Variants in UPK3BL2 observed in about 807,000 individuals in gnomAD.
UPK3BL2 encodes uroplakin-3b-like protein 2.
Under a neutral mutation model 11.3 loss-of-function variants are expected in UPK3BL2, and 1 was observed. The observed-to-expected ratio is 0.09, with a 90% CI of 0.03 to 0.42. UPK3BL2 has a LOEUF of 0.42. UPK3BL2 is among the 10% of genes least tolerant of loss of function. UPK3BL2 has a pLI of 0.98.
intron 3 of UPK3BL2, among the ~76,000 whole-genome samples, chr7:102,540,863 A>AAAC: frequency 7.6e-6 from 1 of 131,044 alleles, no homozygotes; most frequent in African/African-American, 3.0e-5. Flanking sequence ...AACAAAAAAA[A>AAAC]AAAAAAAAAA....
At chr7:102,543,259 C>T (rs376589615) in intron 1 of UPK3BL2, among the ~76,000 whole-genome samples, 13,353 of 139,002 alleles carry the variant, frequency 0.096, 29 homozygotes, top group East Asian at 0.15. Context: ...ATTACAGGTG[C>T]ACTCCACCAC....
intron 1 of UPK3BL2, among the ~76,000 whole-genome samples, chr7:102,542,997 C>G (rs1296726915): frequency 8.5e-6 from 1 of 117,638 alleles, no homozygotes; most frequent in Non-Finnish European, 1.7e-5. Context: ...GACTCTGTCT[C>G]GAAAAAAAAA....
At chr7:102,540,919 T>C (rs1586800244) in intron 3 of UPK3BL2, among the ~76,000 whole-genome samples, 174 bp downstream of exon 3, 1 of 111,680 alleles carries the variant, frequency 9.0e-6, no homozygotes, top group Non-Finnish European at 1.9e-5. Flanking sequence ...GGATAATTCA[T>C]GTAATTCATG....
At chr7:102,540,886 G>GAAA (rs374079023) in intron 3 of UPK3BL2, among the ~76,000 whole-genome samples, 3 of 73,320 alleles carry the variant, frequency 4.1e-5, no homozygotes, top group Admixed American at 1.5e-4. Context: ...AGAAGAAAAG[G>GAAA]AAAAAAAAAA....
At chr7:102,542,983 G>A (rs1800335270) in intron 1 of UPK3BL2, among the ~76,000 whole-genome samples, 1 of 152,098 alleles carries the variant, frequency 6.6e-6, no homozygotes, top group South Asian at 2.1e-4. Flanking sequence ...GGGTGACAGT[G>A]GGAGACTCTG....
At chr7:102,540,875 A>AAAG (rs1800235916) in intron 3 of UPK3BL2, among the ~76,000 whole-genome samples, 6 of 118,878 alleles carry the variant, frequency 5.0e-5, no homozygotes, top group Non-Finnish European at 1.8e-5. Context: ...AAAAAAAAAA[A>AAAG]AGAAGAAAAG....
At chr7:102,540,841 C>G (rs1324368463) in intron 3 of UPK3BL2, among the ~76,000 whole-genome samples, 1 of 44,936 alleles carries the variant, frequency 2.2e-5, no homozygotes, top group African/African-American at 6.1e-5. Flanking sequence ...AAGACTCCAT[C>G]TCAAAAAACA....
chr7:102,542,328 ACTCCCACCTCATCTCT>A, intron 1 of UPK3BL2: 1 of 978,622 alleles, frequency 1.0e-6, no homozygotes, highest in South Asian at 4.9e-5. Context: ...CCCCTCTCAG[ACTCCCACCTCATCTCT>A]CTGGGGAAGG....
chr7:102,540,704 T>C (rs1446970298), intron 3 of UPK3BL2, among the ~76,000 whole-genome samples: 1 of 146,278 alleles, frequency 6.8e-6, no homozygotes, highest in Non-Finnish European at 1.5e-5. Flanking sequence ...AGTAGTCGGG[T>C]GTGGTGTCAG....
At chr7:102,541,397 GCACCTGCTCCCTGCATCTCCCTGCAA>G in intron 2 of UPK3BL2, 78 bp downstream of exon 2, 2 of 801,022 alleles carry the variant, frequency 2.5e-6, no homozygotes, top group Non-Finnish European at 4.0e-6. Flanking sequence ...ATCCCCTGCA[GCACCTGCTCCCTGCATCTCCCTGCAA>G]CACACCCGCT....
chr7:102,540,875 AAGAAGAAAAGGAAAAAAAAAAAAAAG>A (rs1800236553), intron 3 of UPK3BL2, among the ~76,000 whole-genome samples, 192 bp downstream of exon 3: 2 of 118,884 alleles, frequency 1.7e-5, no homozygotes, highest in East Asian at 2.4e-4. Flanking sequence ...AAAAAAAAAA[AAGAAGAAAAGGAAAAAAAAAAAAAAG>A]AGAAGAAGGA....
intron 1 of UPK3BL2, among the ~76,000 whole-genome samples, chr7:102,543,296 T>TA (rs767375255): frequency 2.5e-3 from 304 of 122,710 alleles, no homozygotes; most frequent in African/African-American, 7.4e-3. Context: ...ACAAAAATCT[T>TA]AAAAAAAAAA....
chr7:102,543,096 G>A (rs1800342158), intron 1 of UPK3BL2, among the ~76,000 whole-genome samples: 1 of 149,898 alleles, frequency 6.7e-6, no homozygotes, highest in Non-Finnish European at 1.5e-5. Flanking sequence ...AGAGATTGTA[G>A]GACTGTATCT....
chr7:102,542,866 C>G (rs1211180048), intron 1 of UPK3BL2: 1 of 206,110 alleles, frequency 4.9e-6, no homozygotes, highest in African/African-American at 2.3e-5. Context: ...GACATAGTGG[C>G]GCACGGCTGT....
At chr7:102,540,877 G>GGAAAAAAAAAA (rs1800237326) in intron 3 of UPK3BL2, among the ~76,000 whole-genome samples, 1 of 68,324 alleles carries the variant, frequency 1.5e-5, no homozygotes, top group Non-Finnish European at 3.1e-5. Flanking sequence ...AAAAAAAAAA[G>GGAAAAAAAAAA]AAGAAAAGGA....
chr7:102,540,867 A>AC (rs1800232651), intron 3 of UPK3BL2, among the ~76,000 whole-genome samples: 17 of 132,114 alleles, frequency 1.3e-4, no homozygotes, highest in African/African-American at 4.6e-4. Context: ...AAAAAAAAAA[A>AC]AAAAAAAAAG....
intron 3 of UPK3BL2, among the ~76,000 whole-genome samples, chr7:102,540,877 G>GAAAAAAAA (rs1800237802): frequency 1.5e-5 from 1 of 68,332 alleles, no homozygotes; most frequent in Non-Finnish European, 3.1e-5. Flanking sequence ...AAAAAAAAAA[G>GAAAAAAAA]AAGAAAAGGA....
intron 5 of UPK3BL2, 49 bp downstream of exon 5, chr7:102,539,557 G>GC (rs1275833121): frequency 3.1e-5 from 4 of 127,288 alleles, no homozygotes; most frequent in Admixed American, 1.3e-4. Context: ...ATGCCCAAGG[G>GC]CCCCGCCCCT....
chr7:102,543,125 T>G (rs1159998737), intron 1 of UPK3BL2, among the ~76,000 whole-genome samples: 1 of 148,638 alleles, frequency 6.7e-6, no homozygotes, highest in Non-Finnish European at 1.5e-5. Flanking sequence ...GTCCAGTTTT[T>G]CTTTTCTTTT....
Sources: allele counts gnomAD v4.1 joint callset (sites outside exome capture counted in the v4.1 genomes callset), GRCh38; gene constraint gnomAD v4.1.1; transcripts MANE v1.5; gene names NCBI Gene and HGNC (gene_info 2026-07-23, HGNC 2026-07-21).